EFHC1: variants seen among roughly 807,000 people sequenced by gnomAD.
EFHC1 encodes the protein EF-hand domain-containing protein 1.
Under a neutral mutation model 69.9 loss-of-function variants are expected in EFHC1, and 53 were observed. That is an observed-to-expected ratio of 0.76 (90% CI 0.61 to 0.95). The LOEUF is 0.95. Among genes scored for constraint, EFHC1 ranks in the 40% least tolerant of loss-of-function variants. The pLI, the probability that EFHC1 is intolerant of heterozygous loss-of-function variation, is 0.00. For missense variants in EFHC1, 739 were observed against 798.7 expected, an observed-to-expected ratio of 0.93 and a Z score of 0.90; for synonymous variants, 256 against 278.4, an observed-to-expected ratio of 0.92 and a Z score of 0.80.
Position 52,496,225 on chromosome 6 carries a change from C to CACACACACACACCCCCACACACACACAG in EFHC1, c.*3885_*3886insCACACACACACCCCCACACACACACAGA. The stretch of plus-strand genomic sequence containing the variant: ...ACACACACCCACACACACACACACA[C>CACACACACACACCCCCACACACACACAG]AAAGAGAGAATGAGAATTATTAAGA... On this transcript the variant is annotated 3_prime_UTR_variant, in exon 11 of 11. Coordinates refer to ENST00000371068, the MANE Select transcript of EFHC1 (RefSeq NM_018100.4). 5 of 154,818 alleles carry CACACACACACACCCCCACACACACACAG rather than the reference C, an allele frequency of 3.2e-5. No individual in the cohort carries two copies. The highest frequency in any genetic ancestry group is 1.2e-4 in the African/African-American group (5 of 41,400). 9.6% of individuals were successfully genotyped at this position (154,818 alleles called of 1,614,324 possible).
At chr6:52,435,707 A>G (rs532830661) in intron 2 of EFHC1, among the ~76,000 whole-genome samples, 2 of 152,266 alleles carry the variant, frequency 1.3e-5, no homozygotes, top group Non-Finnish European at 2.9e-5. Flanking sequence ...CATAGCCTGC[A>G]TACTGCTGCT....
chr6:52,483,885 C>G (rs1238956628), intron 9 of EFHC1: 3 of 152,116 alleles, frequency 2.0e-5, no homozygotes, highest in African/African-American at 7.3e-5. Flanking sequence ...AACCTGATGG[C>G]AGTAGATTTA....
chr6:52,466,176 T>C (rs1765302727), intron 6 of EFHC1, among the ~76,000 whole-genome samples: 1 of 152,192 alleles, frequency 6.6e-6, no homozygotes, highest in Non-Finnish European at 1.5e-5. Context: ...CTACTATGTG[T>C]GTAAAGTATC....
chr6:52,462,885 CAA>C (rs777016070), intron 5 of EFHC1, among the ~76,000 whole-genome samples: 23 of 85,366 alleles, frequency 2.7e-4, no homozygotes, highest in Admixed American at 3.7e-4. Context: ...AAGACTGTCT[CAA>C]AAAAAAAAAA....
intron 1 of EFHC1, chr6:52,421,214 C>CA (rs1764184404): frequency 5.0e-6 from 1 of 198,580 alleles, no homozygotes; most frequent in Admixed American, 6.5e-5. Flanking sequence ...ACCTTCCTCC[C>CA]AAAGCATCTT....
At position 52,464,983 on chromosome 6, in the gene EFHC1, C is replaced by T. The variant is rs1488841971; in HGVS notation, c.1005C>T (p.Leu335=). Reference sequence around the variant, plus strand: ...AAGACTTCATTGTTGGGAAGTCACTCACTATCCTTGGGAGAACTTTCTTCA... The same window carrying T: ...AAGACTTCATTGTTGGGAAGTCACTTACTATCCTTGGGAGAACTTTCTTCA... ...TAKDFIVGKS[L]TILGRTFFIY... The change falls in exon 6 of 11, where the codon CTC becomes CTT. Residue 335 remains leucine (L), a synonymous_variant. Transcript: ENST00000371068. The T allele has an allele frequency of 1.9e-6, 3 of 1,614,148 alleles. No homozygotes were observed. Among genetic ancestry groups the T allele is most frequent in the East Asian group, 2.2e-5 (1 of 44,876 alleles).
intron 5 of EFHC1, among the ~76,000 whole-genome samples, chr6:52,461,880 A>C (rs1476173646): frequency 6.6e-6 from 1 of 152,180 alleles, no homozygotes; most frequent in Non-Finnish European, 1.5e-5. Flanking sequence ...AGAATATTTT[A>C]TTTACTAGGA....
chr6:52,494,004 T>C lies in EFHC1; in HGVS notation c.*1663T>C, dbSNP rs1310553747. The C allele has an allele frequency of 2.2e-6, 1 of 454,132 alleles. No individual in the cohort carries two copies. The allele number at this position is 454,132 out of a possible 1,614,324, so 28.1% of individuals were successfully genotyped here. On this transcript the variant is annotated 3_prime_UTR_variant, in exon 11 of 11. Coordinates refer to ENST00000371068, the MANE Select transcript of EFHC1 (RefSeq NM_018100.4). ...TGTGAATGTATTATGTTGATTCCTT[T>C]TCTGTTCCAGGTTATTATCTTGGGA...
At position 52,471,922 on chromosome 6, in the gene EFHC1, TA is replaced by T. The variant is rs1409704578; in HGVS notation, c.1278+2454del. Among the ~76,000 whole-genome samples, 30 of 151,314 alleles carry T rather than the reference TA, an allele frequency of 2.0e-4. No individual in the cohort carries two copies. In the East Asian group the frequency reaches 5.8e-3, roughly 29 times the overall value. On this transcript the variant is annotated intron_variant, in intron 7 of 10. Coordinates refer to ENST00000371068, the MANE Select transcript of EFHC1 (RefSeq NM_018100.4). The stretch of plus-strand genomic sequence containing the variant: ...ATAATAAAATTAAAAAAAAAATTTT[TA>T]AAAACCTTTGTTTACCATGTTTAAG...
At chr6:52,431,003 C>G (rs1410330574) in intron 2 of EFHC1, among the ~76,000 whole-genome samples, 3 of 152,036 alleles carry the variant, frequency 2.0e-5, no homozygotes, top group Non-Finnish European at 2.9e-5. Flanking sequence ...TCATAGTAGC[C>G]TTGAATGACC....
intron 2 of EFHC1, among the ~76,000 whole-genome samples, chr6:52,429,708 TG>T (rs1211331047): frequency 1.3e-5 from 2 of 152,144 alleles, no homozygotes; most frequent in Non-Finnish European, 2.9e-5. Context: ...AGTTTAGGAT[TG>T]TTTTTTCTAA....
At chr6:52,472,220 G>GTTAACCTT (rs1273175895) in intron 7 of EFHC1, among the ~76,000 whole-genome samples, 1 of 151,978 alleles carries the variant, frequency 6.6e-6, no homozygotes, top group Non-Finnish European at 1.5e-5. Flanking sequence ...TCTGTTAAAG[G>GTTAACCTT]TTATGTATGA....
chr6:52,455,649 A>G (rs1765028761), intron 5 of EFHC1, among the ~76,000 whole-genome samples: 1 of 146,790 alleles, frequency 6.8e-6, no homozygotes, highest in South Asian at 2.2e-4. Flanking sequence ...GTGAGACTCC[A>G]TCTCAAAAAA....
intron 5 of EFHC1, among the ~76,000 whole-genome samples, chr6:52,458,415 G>A (rs62407896): frequency 0.094 from 14,297 of 152,220 alleles, 941 homozygotes; most frequent in Non-Finnish European, 0.14. Flanking sequence ...TTTGACAAAT[G>A]TCTAATATCC....
At chr6:52,427,808 AATG>A (rs1764333953) in intron 2 of EFHC1, among the ~76,000 whole-genome samples, 1 of 152,184 alleles carries the variant, frequency 6.6e-6, no homozygotes, top group Non-Finnish European at 1.5e-5. Context: ...TAAAATTAAA[AATG>A]TGACTTGGCT....
intron 9 of EFHC1, among the ~76,000 whole-genome samples, chr6:52,480,670 G>A (rs1447187180): frequency 1.3e-5 from 2 of 152,196 alleles, no homozygotes; most frequent in Non-Finnish European, 2.9e-5. Context: ...AGGTGACAAT[G>A]AACAAACACT....
rs1765209738 is a variant in EFHC1, at chr6:52,463,079, G to A, written c.917-1816G>A. On this transcript the variant is annotated intron_variant, in intron 5 of 10. Coordinates refer to ENST00000371068, the MANE Select transcript of EFHC1 (RefSeq NM_018100.4). ...GTCTCTCTCTGTCGCCCAGGCTGGA[G>A]TGCAGTGGCCTGATCTCGGCTCACT... Among the ~76,000 whole-genome samples the A allele has an allele frequency of 2.6e-5, 4 of 151,902 alleles. 1 individual carries two copies. The highest frequency in any genetic ancestry group is 9.6e-5 in the African/African-American group (4 of 41,476).
rs1394533371 is a variant in EFHC1 at position 52,493,430 on chromosome 6, T to C, written c.*1089T>C. On this transcript the variant is annotated 3_prime_UTR_variant, in exon 11 of 11. Transcript: ENST00000371068. The stretch of plus-strand genomic sequence containing the variant: ...ACACACACACGCTTATATGTATACA[T>C]ATAGTATGTATATGTGTATATATAT... 1.1e-5 allele frequency: 4 copies of C among 375,588 alleles called. No individual in the cohort carries two copies. The highest frequency in any genetic ancestry group is 6.1e-5 in the South Asian group (3 of 49,120). 23.3% of individuals were successfully genotyped at this position (375,588 alleles called of 1,614,324 possible).
intron 3 of EFHC1, among the ~76,000 whole-genome samples, chr6:52,450,882 TC>T (rs1239956612): frequency 6.6e-6 from 1 of 152,142 alleles, no homozygotes; most frequent in Non-Finnish European, 1.5e-5. Flanking sequence ...CACTGCAAAC[TC>T]TGCCTCCCAG....
Sources: gnomAD v4.1 joint callset for allele counts (sites outside exome capture counted in the v4.1 genomes callset) on GRCh38, gnomAD v4.1.1 for gene constraint, MANE v1.5 for transcripts, NCBI Gene and HGNC (gene_info 2026-07-23, HGNC 2026-07-21) for gene names.